Variants in LCOR observed in about 807,000 individuals in gnomAD.
LCOR encodes the protein ligand dependent nuclear receptor corepressor.
Under a neutral mutation model 64.4 loss-of-function variants are expected in LCOR, and 14 were observed. That is an observed-to-expected ratio of 0.22 (90% CI 0.14 to 0.34). The LOEUF (loss-of-function observed/expected upper bound fraction) is 0.34, where lower values mean the gene tolerates loss of function less well. Among genes scored for constraint, LCOR ranks in the 10% least tolerant of loss-of-function variants. LCOR has a pLI of 1.00. For synonymous variants in LCOR, 643 were observed against 642.5 expected (o/e 1.00, Z -0.01); for missense variants, 1,686 against 1,765.3 (o/e 0.96, Z 0.80).
At chr10:96,943,273 T>C (rs1013470515) in intron 4 of LCOR, among the ~76,000 whole-genome samples, 1 of 152,174 alleles carries the variant, frequency 6.6e-6, no homozygotes, top group African/African-American at 2.4e-5. Context: ...TTTTTGTATT[T>C]TTAGTAGAAA....
At position 96,886,119 on chromosome 10, in the gene LCOR, C is replaced by G. The variant is rs570402671; in HGVS notation, c.-329-21146C>G. ...TCTCGAGCTCCTCGCTTCAAGTGAT[C>G]TGCCCCACTTGGCCTCTCAAAGTGC... is the stretch of plus-strand genomic sequence containing the variant. On this transcript the variant is annotated intron_variant, in intron 2 of 7. Transcript: ENST00000421806. Among the ~76,000 whole-genome samples the G allele has an allele frequency of 2.0e-5, 3 of 152,224 alleles. No homozygotes were observed. In the South Asian group the frequency reaches 6.2e-4, roughly 32 times the overall value.
chr10:96,842,927 C>T (rs1170447442), intron 2 of LCOR, among the ~76,000 whole-genome samples: 9 of 152,044 alleles, frequency 5.9e-5, no homozygotes, highest in African/African-American at 1.9e-4. Flanking sequence ...CATCATGGCC[C>T]GCCCCTAGTT....
At chr10:96,892,487 G>A (rs1400830860) in intron 2 of LCOR, among the ~76,000 whole-genome samples, 3 of 152,044 alleles carry the variant, frequency 2.0e-5, no homozygotes, top group Admixed American at 6.6e-5. Context: ...GTGAGGTGCC[G>A]CTTTCTGGTT....
chr10:96,972,003 A>C (rs1360114435), intron 7 of LCOR, among the ~76,000 whole-genome samples: 1 of 152,134 alleles, frequency 6.6e-6, no homozygotes, highest in Non-Finnish European at 1.5e-5. Context: ...CCCCCAGAAC[A>C]TCTCCAGCTG....
intron 7 of LCOR, among the ~76,000 whole-genome samples, chr10:96,965,576 G>C (rs1847940598): frequency 6.7e-6 from 1 of 149,302 alleles, no homozygotes. Flanking sequence ...GCAGGAGAAT[G>C]GCGTGAACCC....
chr10:96,920,434 G>GTATATATATATATTTTCA, intron 4 of LCOR, among the ~76,000 whole-genome samples: 1 of 124,002 alleles, frequency 8.1e-6, no homozygotes, highest in South Asian at 2.3e-4. Flanking sequence ...ATATATATGT[G>GTATATATATATATTTTCA]TATATATGTG....
intron 7 of LCOR, chr10:96,957,031 G>C (rs1359179568): frequency 6.1e-6 from 6 of 984,876 alleles, no homozygotes; most frequent in African/African-American, 1.7e-5. Flanking sequence ...TGTAGTGAGA[G>C]AAAAAAACCC....
chr10:96,955,182 A>G (rs1564637271), intron 7 of LCOR: 4 of 1,614,050 alleles, frequency 2.5e-6, no homozygotes, highest in Non-Finnish European at 1.7e-6. Flanking sequence ...ACAACACTTA[A>G]TATTATCCAG....
At chr10:96,865,515 A>G (rs1845955738) in intron 2 of LCOR, among the ~76,000 whole-genome samples, 1 of 150,054 alleles carries the variant, frequency 6.7e-6, no homozygotes, top group African/African-American at 2.5e-5. Context: ...ATTGAGATGC[A>G]ATTAAAATGT....
At chr10:96,978,054 G>T (rs1016511984) in intron 7 of LCOR, among the ~76,000 whole-genome samples, 1 of 152,136 alleles carries the variant, frequency 6.6e-6, no homozygotes, top group Admixed American at 6.5e-5. Flanking sequence ...CTCCACTCTC[G>T]TACTGTAGCC....
At chr10:96,861,392 C>G (rs1013986969) in intron 2 of LCOR, among the ~76,000 whole-genome samples, 1 of 152,072 alleles carries the variant, frequency 6.6e-6, no homozygotes, top group Admixed American at 6.6e-5. Flanking sequence ...TGTGGGAAAA[C>G]AAAATCTGTT....
In LCOR at chr10:96,844,628, T is replaced by C. The variant is rs1307674655; in HGVS notation, c.-330+11149T>C. Among the ~76,000 whole-genome samples the C allele has an allele frequency of 4.6e-5, 7 of 152,202 alleles. No homozygotes were observed. In the East Asian group the frequency reaches 1.3e-3, roughly 29 times the overall value. ...TTTTCTTTTTGATTTTTTAGTTTTG[T>C]TAGCTAAATGAGTTTCTGAGCTGAA... On this transcript the variant is annotated intron_variant, in intron 2 of 7. Transcript: ENST00000421806.
chr10:96,963,435 GGT>G (rs1248299540), intron 7 of LCOR: 1 of 152,110 alleles, frequency 6.6e-6, no homozygotes, highest in Non-Finnish European at 1.5e-5. Context: ...CTGGTCCTTG[GGT>G]GTCTGACCTC....
At chr10:96,887,562 C>CAA (rs879306494) in intron 2 of LCOR, among the ~76,000 whole-genome samples, 2 of 110,428 alleles carry the variant, frequency 1.8e-5, no homozygotes, top group African/African-American at 3.4e-5. Flanking sequence ...GACTCCGTCT[C>CAA]AAAAAAAAAA....
At chr10:96,923,978 G>C (rs1001323308) in intron 4 of LCOR, among the ~76,000 whole-genome samples, 1 of 152,144 alleles carries the variant, frequency 6.6e-6, no homozygotes, top group Non-Finnish European at 1.5e-5. Flanking sequence ...TGTGTACTCT[G>C]TTTTTAATAT....
rs1329508798 is a variant in LCOR at position 96,989,693 on chromosome 10, ATATTTTT to A, written c.*4561_*4567del. On this transcript the variant is annotated 3_prime_UTR_variant, in exon 8 of 8. Transcript: ENST00000421806. ...GATAAGGATATATATATATATATAT[ATATTTTT>A]TTTTTTTTTTTTTTTTTTTAATAGA... 4.1e-4 allele frequency: 33 copies of A among 81,422 alleles called. No individual in the cohort carries two copies. The highest frequency in any genetic ancestry group is 2.2e-3 in the African/African-American group (29 of 13,478). The allele number at this position is 81,422 out of a possible 1,614,324, so 5.0% of individuals were successfully genotyped here. A position where few individuals can be genotyped will look rare whatever the true frequency, so the allele number is the denominator to read the frequency against.
At chr10:96,897,980 C>G (rs1846570243) in intron 2 of LCOR, among the ~76,000 whole-genome samples, 2 of 151,016 alleles carry the variant, frequency 1.3e-5, no homozygotes, top group South Asian at 4.2e-4. Context: ...TGTAAAATCT[C>G]CAACCTCTCA....
chr10:96,888,538 T>C (rs925122602), intron 2 of LCOR, among the ~76,000 whole-genome samples: 1 of 152,072 alleles, frequency 6.6e-6, no homozygotes, highest in African/African-American at 2.4e-5. Flanking sequence ...TTTTTTTTGG[T>C]GTTACATTGT....
intron 2 of LCOR, among the ~76,000 whole-genome samples, chr10:96,857,744 A>G (rs1392486748): frequency 1.3e-5 from 2 of 152,106 alleles, no homozygotes; most frequent in Non-Finnish European, 2.9e-5. Context: ...GGGAATCTGT[A>G]TTTTTAACAA....
Sources: allele counts gnomAD v4.1 joint callset (sites outside exome capture counted in the v4.1 genomes callset), GRCh38; gene constraint gnomAD v4.1.1; transcripts MANE v1.5; gene names NCBI Gene and HGNC (gene_info 2026-07-23, HGNC 2026-07-21).